WWOX: variants seen among roughly 807,000 people sequenced by gnomAD.
WWOX encodes the protein WW domain-containing oxidoreductase.
In WWOX, 69 loss-of-function variants were observed where a neutral mutation model predicts 46.2. The ratio of observed to expected loss-of-function variants is 1.49; its 90% confidence interval spans 1.23 to 1.82. The LOEUF is 1.82. Ranked by LOEUF, WWOX falls within the 40% of genes most tolerant of loss-of-function variation. WWOX has a pLI of 0.00. For missense variants in WWOX, 919 were observed against 542.6 expected (o/e 1.69, Z -6.89); for synonymous variants, 359 against 202.6 (o/e 1.77, Z -6.56).
intron 5 of WWOX, among the ~76,000 whole-genome samples, chr16:78,351,391 G>A (rs1249954583): frequency 3.3e-5 from 5 of 152,164 alleles, no homozygotes; most frequent in Non-Finnish European, 5.9e-5. Flanking sequence ...TGGGATGCCC[G>A]ACTGCATTGG....
intron 8 of WWOX, among the ~76,000 whole-genome samples, chr16:78,768,159 G>C (rs1033613671): frequency 2.3e-4 from 10 of 43,260 alleles, no homozygotes; most frequent in African/African-American, 7.1e-4. Flanking sequence ...CTGCGGGGCG[G>C]GGGGGTCGGT....
chr16:78,458,069 CTT>C (rs2083865859), intron 8 of WWOX, among the ~76,000 whole-genome samples: 1 of 140,042 alleles, frequency 7.1e-6, no homozygotes, highest in Non-Finnish European at 1.5e-5. Flanking sequence ...AAAAAAAAAA[CTT>C]TACCTGGGCT....
intron 5 of WWOX, among the ~76,000 whole-genome samples, chr16:78,352,521 T>C (rs943980207): frequency 3.3e-5 from 5 of 152,226 alleles, no homozygotes; most frequent in African/African-American, 1.2e-4. Flanking sequence ...GCTCAAGTCC[T>C]TCTCAAACTG....
intron 8 of WWOX, among the ~76,000 whole-genome samples, chr16:78,917,891 CA>C (rs1025665797): frequency 1.8e-4 from 28 of 151,720 alleles, no homozygotes; most frequent in African/African-American, 3.6e-4. Context: ...TTTTTTAAAA[CA>C]AAAAAAAGTT....
At chr16:78,630,863 C>T (rs2046411695) in intron 8 of WWOX, among the ~76,000 whole-genome samples, 1 of 132,614 alleles carries the variant, frequency 7.5e-6, no homozygotes, top group African/African-American at 2.5e-5. Context: ...ACGAAAGAGG[C>T]CATATGCAGT....
intron 8 of WWOX, among the ~76,000 whole-genome samples, chr16:79,018,457 T>C (rs1392158556): frequency 6.6e-6 from 1 of 152,162 alleles, no homozygotes; most frequent in East Asian, 1.9e-4. Flanking sequence ...TGTGCCCATC[T>C]TGGGAGAAAT....
chr16:78,787,119 G>T (rs1356654109), intron 8 of WWOX, among the ~76,000 whole-genome samples: 1 of 152,204 alleles, frequency 6.6e-6, no homozygotes, highest in Admixed American at 6.5e-5. Flanking sequence ...CTGGACTCCA[G>T]CCTGGGCGAC....
intron 8 of WWOX, among the ~76,000 whole-genome samples, chr16:78,613,336 G>A (rs1035249454): frequency 6.6e-6 from 1 of 152,144 alleles, no homozygotes; most frequent in Admixed American, 6.5e-5. Flanking sequence ...CCCGATGCGT[G>A]ATTTGTCCCC....
chr16:78,547,145 A>AAAAAAAAC (rs2044056829), intron 8 of WWOX, among the ~76,000 whole-genome samples: 1 of 93,984 alleles, frequency 1.1e-5, no homozygotes, highest in Non-Finnish European at 2.7e-5. Flanking sequence ...AAAAAAAAAA[A>AAAAAAAAC]AAAAAAAAAA....
intron 2 of WWOX, 123 bp from the exon 3 acceptor site, chr16:78,109,655 G>A (rs1377703952): frequency 1.8e-5 from 16 of 913,336 alleles, no homozygotes; most frequent in Non-Finnish European, 7.0e-6. Context: ...CAGTTGATGT[G>A]ACAACTGCTG....
chr16:78,405,722 C>G (rs184881516), intron 6 of WWOX, among the ~76,000 whole-genome samples: 24 of 152,300 alleles, frequency 1.6e-4, no homozygotes, highest in African/African-American at 4.1e-4. Flanking sequence ...CCATCTCTGT[C>G]AAGGCTGATG....
At chr16:78,813,312 T>C (rs1243461793) in intron 8 of WWOX, among the ~76,000 whole-genome samples, 1 of 152,122 alleles carries the variant, frequency 6.6e-6, no homozygotes, top group East Asian at 1.9e-4. Flanking sequence ...GCTATAAATA[T>C]ACAGCCTTAA....
chr16:79,073,013 C>T (rs1326975361), intron 8 of WWOX, among the ~76,000 whole-genome samples: 2 of 152,138 alleles, frequency 1.3e-5, no homozygotes, highest in Admixed American at 1.3e-4. Flanking sequence ...GGCTGTTCAT[C>T]AGCACACCCA....
In WWOX at chr16:78,812,230, T is replaced by A. The variant is rs567587895; in HGVS notation, c.1056+379478T>A. 8.3e-4 allele frequency among the ~76,000 whole-genome samples: 126 copies of A among 152,146 alleles called. 1 individual carries two copies. Among genetic ancestry groups the A allele is most frequent in the African/African-American group, 2.8e-3 (116 of 41,518 alleles). On this transcript the variant is annotated intron_variant, in intron 8 of 8. Coordinates refer to ENST00000566780, the MANE Select transcript of WWOX (RefSeq NM_016373.4). Reference sequence around the variant, plus strand: ...AAAGACAAGATGACATCCCAAAGATTGGGGCATATTTAGGATAATGCCCCA... The same window carrying A: ...AAAGACAAGATGACATCCCAAAGATAGGGGCATATTTAGGATAATGCCCCA...
rs1049971802 is a variant in WWOX, at chr16:78,764,591, C to T, written c.1056+331839C>T. 2.1e-5 allele frequency among the ~76,000 whole-genome samples: 3 copies of T among 140,876 alleles called. 1 individual carries two copies. The Admixed American group carries it at 2.4e-4, about 11-fold the overall frequency. The allele number at this position is 140,876 out of a possible 152,430, so 92.4% of individuals were successfully genotyped here. ...CTGTTACTCGCTCACATGTGCCGTGCCCCGGGTGGGTTTGGAAGCCATGCT... is the reference window on the plus strand; with the variant it reads ...CTGTTACTCGCTCACATGTGCCGTGTCCCGGGTGGGTTTGGAAGCCATGCT... On this transcript the variant is annotated intron_variant, in intron 8 of 8. Coordinates refer to ENST00000566780, the MANE Select transcript of WWOX (RefSeq NM_016373.4).
At chr16:78,584,504 G>T (rs901599235) in intron 8 of WWOX, among the ~76,000 whole-genome samples, 2 of 152,238 alleles carry the variant, frequency 1.3e-5, no homozygotes, top group Admixed American at 1.3e-4. Flanking sequence ...GACAAGGACT[G>T]TTCTAAGCCC....
At chr16:78,684,092 C>T (rs114074024) in intron 8 of WWOX, among the ~76,000 whole-genome samples, 503 of 152,248 alleles carry the variant, frequency 3.3e-3, no homozygotes, top group African/African-American at 0.012. Flanking sequence ...AGCTCATGGC[C>T]GTGCAGTTCA....
chr16:79,095,409 C>A (rs866629633), intron 8 of WWOX, among the ~76,000 whole-genome samples: 4 of 152,048 alleles, frequency 2.6e-5, no homozygotes, highest in African/African-American at 4.8e-5. Context: ...AATTGAGGCA[C>A]GGACAAAATA....
intron 5 of WWOX, among the ~76,000 whole-genome samples, chr16:78,327,869 A>ATTTTTTTTTTTTTTT (rs762650030): frequency 1.2e-5 from 1 of 81,082 alleles, no homozygotes; most frequent in Non-Finnish European, 2.2e-5. Flanking sequence ...ATGAGTCCTG[A>ATTTTTTTTTTTTTTT]TTTTTTTTTT....
Sources: gnomAD v4.1 joint callset for allele counts (sites outside exome capture counted in the v4.1 genomes callset) on GRCh38, gnomAD v4.1.1 for gene constraint, MANE v1.5 for transcripts, NCBI Gene and HGNC (gene_info 2026-07-23, HGNC 2026-07-21) for gene names.